The following CCDC91 variants were observed in gnomAD, a reference collection of about 807,000 sequenced individuals.
CCDC91 encodes coiled-coil domain containing 91.
CCDC91 carries 48 observed loss-of-function variants against 63.2 expected under a neutral mutation model. The ratio of observed to expected loss-of-function variants is 0.76; its 90% CI spans 0.60 to 0.97. The LOEUF is 0.97. CCDC91 is among the 50% of genes least tolerant of loss of function. The pLI is 0.00. For synonymous variants in CCDC91, 167 were observed against 165.8 expected (o/e 1.01, Z -0.06); for missense variants, 500 against 494.6 (o/e 1.01, Z -0.10).
chr12:28,269,756 T>C (rs1027014284), intron 3 of CCDC91, among the ~76,000 whole-genome samples: 8 of 152,192 alleles, frequency 5.3e-5, no homozygotes, highest in East Asian at 1.9e-4. Flanking sequence ...TTTTGACTTA[T>C]GATATTCCTC....
chr12:28,434,190 A>ATTGGTCTTAAC (rs1449136102), intron 8 of CCDC91, among the ~76,000 whole-genome samples: 3 of 151,670 alleles, frequency 2.0e-5, no homozygotes, highest in Non-Finnish European at 4.4e-5. Context: ...TTTCCTTGTT[A>ATTGGTCTTAAC]TTGGTCTTAA....
intron 5 of CCDC91, among the ~76,000 whole-genome samples, chr12:28,307,189 TTTA>T (rs1938836408): frequency 6.6e-6 from 1 of 151,952 alleles, no homozygotes; most frequent in Non-Finnish European, 1.5e-5. Flanking sequence ...TCTTTTTTGG[TTTA>T]TTTTTATTTA....
chr12:28,278,294 A>G (rs1360005468), intron 3 of CCDC91, among the ~76,000 whole-genome samples: 2 of 151,606 alleles, frequency 1.3e-5, no homozygotes, highest in Admixed American at 6.6e-5. Context: ...TTCTTTACTT[A>G]TCTTCTCTCT....
At chr12:28,466,325 C>G (rs1431119838) in intron 11 of CCDC91, among the ~76,000 whole-genome samples, 1 of 152,072 alleles carries the variant, frequency 6.6e-6, no homozygotes, top group Non-Finnish European at 1.5e-5. Flanking sequence ...AATTCCCAAA[C>G]CTAGAGAAAG....
intron 8 of CCDC91, among the ~76,000 whole-genome samples, chr12:28,420,505 G>A (rs1286878887): frequency 2.6e-5 from 4 of 152,104 alleles, no homozygotes; most frequent in Non-Finnish European, 4.4e-5. Flanking sequence ...ACACTACTGA[G>A]TGCTAGCTGA....
At chr12:28,420,670 A>G (rs1228900385) in intron 8 of CCDC91, among the ~76,000 whole-genome samples, 2 of 151,374 alleles carry the variant, frequency 1.3e-5, no homozygotes, top group Non-Finnish European at 2.9e-5. Flanking sequence ...TTTCCCACCT[A>G]TTTGTTCCTT....
At chr12:28,477,623 C>G (rs1188820196) in intron 11 of CCDC91, among the ~76,000 whole-genome samples, 1 of 152,066 alleles carries the variant, frequency 6.6e-6, no homozygotes, top group Non-Finnish European at 1.5e-5. Context: ...CCGGGGCAAT[C>G]AGGCAGGAGA....
At chr12:28,404,167 C>T (rs1946792734) in intron 8 of CCDC91, among the ~76,000 whole-genome samples, 1 of 151,868 alleles carries the variant, frequency 6.6e-6, no homozygotes, top group Admixed American at 6.6e-5. Context: ...TTTAAATTTT[C>T]CTCTAAGCAC....
chr12:28,359,782 C>CTTTCTTTTTTTTT (rs1565853546), intron 6 of CCDC91, among the ~76,000 whole-genome samples: 4 of 152,094 alleles, frequency 2.6e-5, no homozygotes, highest in African/African-American at 7.2e-5. Flanking sequence ...CAGAATATTT[C>CTTTCTTTTTTTTT]TATTTACTTT....
At chr12:28,201,651 G>C (rs869156003) in intron 1 of CCDC91, among the ~76,000 whole-genome samples, 3 of 146,328 alleles carry the variant, frequency 2.1e-5, no homozygotes, top group African/African-American at 7.5e-5. Context: ...GCTGCAATCT[G>C]GGCACTTTGG....
At chr12:28,390,542 AT>A (rs1159002224) in intron 7 of CCDC91, among the ~76,000 whole-genome samples, 3 of 152,192 alleles carry the variant, frequency 2.0e-5, no homozygotes, top group Non-Finnish European at 4.4e-5. Context: ...AGCATCTCTA[AT>A]AAGGAAGTGA....
chr12:28,459,757 T>A (rs1277315711), intron 11 of CCDC91, among the ~76,000 whole-genome samples: 2 of 152,156 alleles, frequency 1.3e-5, no homozygotes, highest in Non-Finnish European at 2.9e-5. Context: ...AATTTTTAGG[T>A]CATAGTAAAG....
intron 1 of CCDC91, among the ~76,000 whole-genome samples, chr12:28,210,940 T>A (rs1177088561): frequency 6.6e-6 from 1 of 151,680 alleles, no homozygotes; most frequent in East Asian, 1.9e-4. Flanking sequence ...TTTATTATTA[T>A]TTTTTTCTTT....
chr12:28,288,100 G>A (rs189815775), intron 3 of CCDC91, among the ~76,000 whole-genome samples: 90 of 152,246 alleles, frequency 5.9e-4, no homozygotes, highest in African/African-American at 1.9e-3. Flanking sequence ...GGAGCTTTTG[G>A]GTGGACACAG....
intron 6 of CCDC91, among the ~76,000 whole-genome samples, chr12:28,320,054 A>G (rs1347735045): frequency 1.3e-5 from 2 of 152,042 alleles, no homozygotes; most frequent in African/African-American, 4.8e-5. Flanking sequence ...GATCTACGCT[A>G]ATACCAAGGT....
chr12:28,474,491 T>G (rs1048870569), intron 11 of CCDC91, among the ~76,000 whole-genome samples: 1 of 152,074 alleles, frequency 6.6e-6, no homozygotes, highest in Admixed American at 6.6e-5. Flanking sequence ...GGTAGTAGAT[T>G]GCTGATCCCA....
At chr12:28,513,995 G>A (rs985199969) in intron 12 of CCDC91, among the ~76,000 whole-genome samples, 2 of 151,862 alleles carry the variant, frequency 1.3e-5, no homozygotes, top group Non-Finnish European at 1.5e-5. Context: ...GGATTTCTGG[G>A]TTAAATGGTA....
chr12:28,287,029 A>G (rs1412165912), intron 3 of CCDC91, among the ~76,000 whole-genome samples: 1 of 151,580 alleles, frequency 6.6e-6, no homozygotes, highest in Non-Finnish European at 1.5e-5. Flanking sequence ...AAAAGTGTTC[A>G]TGTCCTTTGC....
intron 8 of CCDC91, among the ~76,000 whole-genome samples, chr12:28,403,957 G>C (rs944387528): frequency 1.7e-4 from 26 of 151,698 alleles, no homozygotes; most frequent in African/African-American, 6.3e-4. Flanking sequence ...AGTTTTTACT[G>C]ATCTTTTCAA....
Sources: gnomAD v4.1 joint callset for allele counts (sites outside exome capture counted in the v4.1 genomes callset) on GRCh38, gnomAD v4.1.1 for gene constraint, MANE v1.5 for transcripts, NCBI Gene and HGNC (gene_info 2026-07-23, HGNC 2026-07-21) for gene names.